The following PTPRD variants were observed in gnomAD, a reference collection of about 807,000 sequenced individuals.
PTPRD encodes receptor-type tyrosine-protein phosphatase delta.
A neutral mutation model predicts 214.5 loss-of-function variants in PTPRD; 34 were observed. The ratio of observed to expected loss-of-function variants is 0.16; its 90% CI spans 0.12 to 0.21. The LOEUF (loss-of-function observed/expected upper bound fraction) is 0.21. Ranked by LOEUF, PTPRD falls within the 10% of genes least tolerant of loss-of-function variation. The pLI, the probability that PTPRD is intolerant of heterozygous loss-of-function variation, is 1.00. For synonymous variants in PTPRD, 1,128 were observed against 845.7 expected (o/e 1.33, Z -5.79); for missense variants, 2,545 against 2,398.7 (o/e 1.06, Z -1.27).
chr9:10,329,434 T>C (rs907091509), intron 3 of PTPRD, among the ~76,000 whole-genome samples: 1 of 151,874 alleles, frequency 6.6e-6, no homozygotes, highest in Non-Finnish European at 1.5e-5. Flanking sequence ...TATTGTATGT[T>C]TTCAGCTGCT....
intron 10 of PTPRD, among the ~76,000 whole-genome samples, chr9:9,077,847 A>T (rs1198981763): frequency 1.3e-5 from 2 of 152,128 alleles, no homozygotes; most frequent in Non-Finnish European, 2.9e-5. Context: ...TTGTATTCAA[A>T]TAGTCCCTCT....
At chr9:8,345,475 C>T (rs1207948665) in intron 39 of PTPRD, among the ~76,000 whole-genome samples, 2 of 152,000 alleles carry the variant, frequency 1.3e-5, no homozygotes, top group African/African-American at 2.4e-5. Flanking sequence ...TCATTGGCAG[C>T]ATTTGACTAT....
At chr9:9,739,930 T>C (rs946493679) in intron 6 of PTPRD, among the ~76,000 whole-genome samples, 8 of 152,156 alleles carry the variant, frequency 5.3e-5, no homozygotes, top group Admixed American at 1.3e-4. Context: ...AGTTGTGTTT[T>C]AAGAAATTCC....
intron 21 of PTPRD, among the ~76,000 whole-genome samples, chr9:8,511,348 G>A (rs2097677521): frequency 1.3e-5 from 2 of 151,978 alleles, no homozygotes; most frequent in Non-Finnish European, 2.9e-5. Flanking sequence ...TGAGAGTATG[G>A]GTGTGAGCCA....
intron 2 of PTPRD, among the ~76,000 whole-genome samples, chr9:10,411,365 A>T (rs959125661): frequency 4.6e-5 from 7 of 151,824 alleles, no homozygotes; most frequent in African/African-American, 1.4e-4. Flanking sequence ...AGGATTTCCC[A>T]GTTCATCATG....
chr9:10,330,598 G>A (rs1253811662), intron 3 of PTPRD, among the ~76,000 whole-genome samples: 6 of 151,730 alleles, frequency 4.0e-5, no homozygotes, highest in African/African-American at 1.5e-4. Context: ...TAACTAAACT[G>A]GAACTACATT....
At chr9:8,923,040 T>A (rs1425598545) in intron 11 of PTPRD, among the ~76,000 whole-genome samples, 2 of 70,744 alleles carry the variant, frequency 2.8e-5, no homozygotes, top group Non-Finnish European at 5.3e-5. Flanking sequence ...TTTTTGTCTG[T>A]CTTTTTTTTT....
intron 14 of PTPRD, among the ~76,000 whole-genome samples, chr9:8,537,870 C>G (rs1423277154): frequency 6.6e-6 from 1 of 151,986 alleles, no homozygotes; most frequent in Non-Finnish European, 1.5e-5. Flanking sequence ...ATTTAATTAT[C>G]ATTTGTCTAA....
At chr9:9,241,668 C>G (rs944958567) in intron 9 of PTPRD, among the ~76,000 whole-genome samples, 5 of 151,554 alleles carry the variant, frequency 3.3e-5, no homozygotes, top group Non-Finnish European at 7.4e-5. Context: ...GATTGCAACC[C>G]CTGCCTTTTT....
At chr9:8,878,803 G>A (rs996672473) in intron 11 of PTPRD, among the ~76,000 whole-genome samples, 4 of 152,066 alleles carry the variant, frequency 2.6e-5, no homozygotes, top group African/African-American at 9.7e-5. Context: ...TATTGGGAAG[G>A]GATTACAGCA....
chr9:8,958,459 G>A lies in PTPRD; in HGVS notation c.-104+60238C>T, dbSNP rs562003298. 9.9e-5 allele frequency among the ~76,000 whole-genome samples: 15 copies of A among 152,024 alleles called. No homozygotes were observed. In the East Asian group the frequency reaches 2.7e-3, roughly 27 times the overall value. On this transcript the variant is annotated intron_variant, in intron 11 of 45. Coordinates refer to ENST00000381196, the MANE Select transcript of PTPRD (RefSeq NM_002839.4). ...CAGTTTTGAGAAGATGATAGTGGTG[G>A]ACCTTTTGCCCTAATCTCTGGCCAT...
chr9:8,768,395 C>A (rs2094929533), intron 11 of PTPRD, among the ~76,000 whole-genome samples: 1 of 151,956 alleles, frequency 6.6e-6, no homozygotes, highest in Non-Finnish European at 1.5e-5. Flanking sequence ...TACAAAAATA[C>A]AAAACAATTA....
At chr9:10,190,192 C>T (rs910936146) in intron 3 of PTPRD, among the ~76,000 whole-genome samples, 2 of 150,942 alleles carry the variant, frequency 1.3e-5, no homozygotes. Flanking sequence ...TATGGTGAAA[C>T]CTCGTCTCTA....
intron 7 of PTPRD, among the ~76,000 whole-genome samples, chr9:9,602,653 G>T (rs923453552): frequency 6.6e-6 from 1 of 151,780 alleles, no homozygotes; most frequent in Non-Finnish European, 1.5e-5. Flanking sequence ...ACAAAAAATA[G>T]ATATACAAGC....
intron 11 of PTPRD, among the ~76,000 whole-genome samples, chr9:8,911,384 GCCCA>G (rs2154261139): frequency 6.8e-6 from 1 of 146,892 alleles, no homozygotes; most frequent in African/African-American, 2.5e-5. Context: ...AGAACTGGAT[GCCCA>G]TGTGTGTGTC....
intron 8 of PTPRD, among the ~76,000 whole-genome samples, chr9:9,469,747 C>T (rs550117243): frequency 8.6e-5 from 13 of 152,046 alleles, no homozygotes; most frequent in Non-Finnish European, 1.9e-4. Flanking sequence ...GAATCTCTGC[C>T]TGGGCTTCCT....
Position 8,897,692 on chromosome 9 carries a change from G to C in PTPRD, c.-104+121005C>G, listed in dbSNP as rs1319259815. Among the ~76,000 whole-genome samples the C allele has an allele frequency of 2.0e-5, 3 of 152,192 alleles. No individual in the cohort carries two copies. In the East Asian group the frequency reaches 5.8e-4, roughly 29 times the overall value. On this transcript the variant is annotated intron_variant, in intron 11 of 45. Transcript: ENST00000381196. ...CCCTGATGGAAAGACCTGGCCAGAA[G>C]TAAAGAGCCTCCTCTGGGAATCTGG...
chr9:8,541,119 T>A (rs965610504), intron 14 of PTPRD, among the ~76,000 whole-genome samples: 6 of 152,202 alleles, frequency 3.9e-5, no homozygotes, highest in African/African-American at 1.4e-4. Context: ...TGTCTCAGAA[T>A]GTATTACAGA....
chr9:9,361,893 G>T (rs1433685591), intron 9 of PTPRD, among the ~76,000 whole-genome samples: 1 of 150,802 alleles, frequency 6.6e-6, no homozygotes, highest in Non-Finnish European at 1.5e-5. Flanking sequence ...GGGCATACAG[G>T]AATAAACAAG....
Sources: allele counts gnomAD v4.1 joint callset (sites outside exome capture counted in the v4.1 genomes callset), GRCh38; gene constraint gnomAD v4.1.1; transcripts MANE v1.5; gene names NCBI Gene and HGNC (gene_info 2026-07-23, HGNC 2026-07-21).